RNF19A: variants seen among roughly 807,000 people sequenced by gnomAD.
RNF19A encodes the protein E3 ubiquitin-protein ligase RNF19A.
RNF19A carries 32 observed loss-of-function variants against 75.7 expected under a neutral mutation model. The observed-to-expected ratio is 0.42, with a 90% CI of 0.32 to 0.57. The LOEUF is 0.57. Among genes scored for constraint, RNF19A ranks in the 20% least tolerant of loss-of-function variants. RNF19A has a pLI of 0.10. For synonymous variants in RNF19A, 335 were observed against 345.2 expected, an observed-to-expected ratio of 0.97 and a Z score of 0.33; for missense variants, 782 against 1,036.3, an observed-to-expected ratio of 0.75 and a Z score of 3.37.
Position 100,288,116 on chromosome 8 carries a change from G to A in RNF19A, c.59C>T (p.Thr20Ile). 1 of 1,613,990 alleles carries A rather than the reference G, an allele frequency of 6.2e-7. No individual in the cohort carries two copies. Among genetic ancestry groups the A allele is most frequent in the Non-Finnish European group, 8.5e-7 (1 of 1,179,998 alleles). The part of the protein sequence containing the change: ...SKYNEGLCVN[T>I]DPVSILTSIL... The stretch of plus-strand genomic sequence containing the variant: ...GCTTGTTAGAATTGAGACAGGGTCA[G>A]TGTTTACACACAGCCCTTCATTATA... The change falls in exon 2 of 10, where the codon ACT (threonine) becomes ATT (isoleucine). Residue 20 changes from threonine (T) to isoleucine (I), a missense_variant. By Grantham distance (89) the Thr-to-Ile change is moderately conservative. This residue lies in a region of RNF19A where 148 missense variants were observed against 147.9 expected (regional missense o/e 1.00). Transcript: ENST00000341084.
At position 100,260,873 on chromosome 8, in the gene RNF19A, T is replaced by G. The variant is rs528337543; in HGVS notation, c.1682+669A>C. Among the ~76,000 whole-genome samples the G allele has an allele frequency of 1.1e-4, 17 of 152,276 alleles. No individual in the cohort carries two copies. The South Asian group carries it at 3.5e-3, about 32-fold the overall frequency. On this transcript the variant is annotated intron_variant, in intron 8 of 9. Coordinates refer to ENST00000341084, the MANE Select transcript of RNF19A (RefSeq NM_183419.4). This position sits in a 1 kb window ranked among gnomAD's most constrained non-coding sequence, Gnocchi z 4.1. ...GATTATCCCGGTCCCAGTTCACACA[T>G]TCCTGGATGTCCTGACTCCACCTGT... is the stretch of plus-strand genomic sequence containing the variant.
In RNF19A at chr8:100,330,544, G is replaced by A. The variant is rs556841942; in HGVS notation, c.-243+5564C>T. 2.6e-5 allele frequency among the ~76,000 whole-genome samples: 4 copies of A among 152,330 alleles called. No individual in the cohort carries two copies. In the South Asian group the frequency reaches 8.3e-4, roughly 32 times the overall value. On this transcript the variant is annotated intron_variant, in intron 1 of 3. Coordinates refer to the RNF19A transcript ENST00000519527. This position sits in a 1 kb window ranked among gnomAD's most constrained non-coding sequence, Gnocchi z 4.1. ...ACACTTATGTGTTAATTGCAAAGCT[G>A]GAGTTGCCAGAAGCCAACATGTGGA...
chr8:100,307,232 GAT>G (rs1822098776), intron 1 of RNF19A, among the ~76,000 whole-genome samples: 1 of 152,104 alleles, frequency 6.6e-6, no homozygotes, highest in Non-Finnish European at 1.5e-5. Context: ...AATTCCCTAA[GAT>G]TTCCTATATA....
At chr8:100,315,343 T>C (rs1451101769) in intron 1 of RNF19A, among the ~76,000 whole-genome samples, 6 of 152,294 alleles carry the variant, frequency 3.9e-5, no homozygotes, top group Middle Eastern at 6.8e-3. Flanking sequence ...TACCATTAAT[T>C]GTGCTTCAGG....
rs753318233 is a variant in RNF19A at position 100,275,049 on chromosome 8, T to A, written c.787A>T (p.Thr263Ser). The A allele has an allele frequency of 1.2e-6, 2 of 1,614,116 alleles. No homozygotes were observed. The highest frequency in any genetic ancestry group is 1.7e-6 in the Non-Finnish European group (2 of 1,180,002). The change falls in exon 3 of 10, where the codon ACC becomes TCC. Residue 263 changes from threonine to serine, a missense_variant. By Grantham distance (58) the Thr-to-Ser change is moderately conservative. This residue lies in a region of RNF19A where 85 missense variants were observed against 177.7 expected (regional missense o/e 0.48). Coordinates refer to ENST00000341084, the MANE Select transcript of RNF19A (RefSeq NM_183419.4). The surrounding 1 kb of genome is among the most constrained non-coding windows in gnomAD (Gnocchi z 4.3). ...CTCTCTTGTCGAGCAGCATCACAGG[T>A]CTGGTTGGGGTGCCAAATCTGTTTA... ...HCKQIWHPNQ[T>S]CDAARQERAQ...
rs898724510 is a variant in RNF19A, at chr8:100,258,219, T to C, written c.*337A>G. On this transcript the variant is annotated 3_prime_UTR_variant, in exon 10 of 10. Coordinates refer to ENST00000341084, the MANE Select transcript of RNF19A (RefSeq NM_183419.4). The surrounding 1 kb of genome is among the most constrained non-coding windows in gnomAD (Gnocchi z 4.3). ...TCAAGTTTTCTTCATTTGAATGCTG[T>C]AGAATTGCATTAGTATTTTATATTG... is the stretch of plus-strand genomic sequence containing the variant. 1.4e-5 allele frequency: 6 copies of C among 416,544 alleles called. No homozygotes were observed. The highest frequency in any genetic ancestry group is 1.0e-4 in the South Asian group (1 of 9,630). 25.8% of individuals were successfully genotyped at this position (416,544 alleles called of 1,614,324 possible).
intron 2 of RNF19A, among the ~76,000 whole-genome samples, chr8:100,276,123 T>C (rs76810431): frequency 0.045 from 6,791 of 152,258 alleles, 454 homozygotes; most frequent in African/African-American, 0.14. Flanking sequence ...AAATGAATAT[T>C]TGTGCTCACA....
At position 100,331,098 on chromosome 8, in the gene RNF19A, A is replaced by G. The variant is rs769639143; in HGVS notation, c.-243+5010T>C. Among the ~76,000 whole-genome samples the G allele has an allele frequency of 5.3e-5, 8 of 152,096 alleles. No individual in the cohort carries two copies. The highest frequency in any genetic ancestry group is 1.3e-4 in the Admixed American group (2 of 15,262). The stretch of plus-strand genomic sequence containing the variant: ...AGAATCCTAATCTCCTATCTAACAC[A>G]TTTATTAAGCACATCCCATATGGGT... On this transcript the variant is annotated intron_variant, in intron 1 of 3. Transcript: ENST00000519527. The surrounding 1 kb of genome is among the most constrained non-coding windows in gnomAD (Gnocchi z 5.2).
chr8:100,319,424 A>C (rs1361724772), intron 1 of RNF19A, among the ~76,000 whole-genome samples: 2 of 152,140 alleles, frequency 1.3e-5, no homozygotes, highest in Non-Finnish European at 2.9e-5. Context: ...AAGATAAATG[A>C]AACATAGAAA....
At chr8:100,273,467 C>T (rs1820355798) in intron 3 of RNF19A, among the ~76,000 whole-genome samples, 1 of 152,194 alleles carries the variant, frequency 6.6e-6, no homozygotes, top group Admixed American at 6.5e-5. Flanking sequence ...ACTAAGCTGA[C>T]ATATCCTAAA....
chr8:100,294,712 C>T (rs1352427769), intron 1 of RNF19A, among the ~76,000 whole-genome samples: 1 of 152,006 alleles, frequency 6.6e-6, no homozygotes, highest in African/African-American at 2.4e-5. Flanking sequence ...TGCAGTTTTC[C>T]AAAGGATATC....
At chr8:100,310,360 G>A, upstream of RNF19A, 1 of 555,072 alleles carries the variant, frequency 1.8e-6, no homozygotes, top group South Asian at 7.8e-5. Flanking sequence ...ACTTCGCCTC[G>A]AGCGCGCCGG....
chr8:100,309,320 T>TC lies in RNF19A; in HGVS notation c.-94+546dup. On this transcript the variant is annotated intron_variant, in intron 1 of 9. Coordinates refer to ENST00000341084, the MANE Select transcript of RNF19A (RefSeq NM_183419.4). ...AACCTTCCTCCGAACACAGCTCCCC[T>TC]CCCTAAGGCCCCAGGCAGCACGGCT... 3 of 985,392 alleles carry TC rather than the reference T, an allele frequency of 3.0e-6. 1 individual carries two copies. Among genetic ancestry groups the TC allele is most frequent in the South Asian group, 9.4e-5 (2 of 21,280 alleles). 61.0% of individuals were successfully genotyped at this position (985,392 alleles called of 1,614,324 possible). A position where few individuals can be genotyped will look rare whatever the true frequency, so the allele number is the denominator to read the frequency against.
intron 1 of RNF19A, among the ~76,000 whole-genome samples, chr8:100,320,271 A>T (rs1324503643): frequency 6.6e-6 from 1 of 152,228 alleles, no homozygotes; most frequent in African/African-American, 2.4e-5. Flanking sequence ...GTATCATTTT[A>T]TAGCCTTTAT....
At chr8:100,309,246 T>G in intron 1 of RNF19A, 2 of 851,786 alleles carry the variant, frequency 2.3e-6, no homozygotes, top group Non-Finnish European at 2.8e-6. Context: ...ACCATTTTGG[T>G]GTGATGTGTA....
In RNF19A at chr8:100,309,852, G is replaced by C; in HGVS notation, c.-94+15C>G. 1.0e-6 allele frequency: 1 copy of C among 985,606 alleles called. No individual in the cohort carries two copies. The allele number at this position is 985,606 out of a possible 1,614,324, so 61.1% of individuals were successfully genotyped here. ...CCGCTCCGGGGCGCAAGCTCCTCCG[G>C]GTGCCCGCCCGTACCTTTAACTCCT... On this transcript the variant is annotated intron_variant, in intron 1 of 9. Transcript: ENST00000341084.
At chr8:100,292,445 T>G (rs944700225) in intron 1 of RNF19A, among the ~76,000 whole-genome samples, 1 of 151,432 alleles carries the variant, frequency 6.6e-6, no homozygotes, top group Non-Finnish European at 1.5e-5. Flanking sequence ...GGTGTGTGTG[T>G]GTGTGTGTGT....
intron 1 of RNF19A, among the ~76,000 whole-genome samples, chr8:100,319,586 A>G (rs2033921): frequency 0.46 from 66,963 of 146,360 alleles, 16,244 homozygotes; most frequent in African/African-American, 0.63. Flanking sequence ...CTGGAGTGTA[A>G]TGGCACAATC....
At chr8:100,279,554 AT>A (rs1008980557) in intron 2 of RNF19A, among the ~76,000 whole-genome samples, 1 of 151,064 alleles carries the variant, frequency 6.6e-6, no homozygotes, top group Non-Finnish European at 1.5e-5. Flanking sequence ...TTGTACTTTT[AT>A]TTTTTATTTA....
Sources: gnomAD v4.1 joint callset for allele counts (sites outside exome capture counted in the v4.1 genomes callset) on GRCh38, gnomAD v4.1.1 for gene constraint, gnomAD v4.1.1 regional missense constraint, Gnocchi (gnomAD v3.1) non-coding constraint, MANE v1.5 for transcripts, NCBI Gene and HGNC (gene_info 2026-07-23, HGNC 2026-07-21) for gene names.